ACSL1: variants seen among roughly 807,000 people sequenced by gnomAD.
ACSL1 encodes acyl-CoA synthetase long chain family member 1.
Under a neutral mutation model 98.4 loss-of-function variants are expected in ACSL1, and 41 were observed. The observed-to-expected ratio is 0.42, with a 90% CI of 0.32 to 0.54. ACSL1 has a LOEUF of 0.54. Among genes scored for constraint, ACSL1 ranks in the 20% least tolerant of loss-of-function variants. ACSL1 has a pLI of 0.13. For missense variants in ACSL1, 734 were observed against 883.1 expected, an observed-to-expected ratio of 0.83 and a Z score of 2.14; for synonymous variants, 316 against 322.7, an observed-to-expected ratio of 0.98 and a Z score of 0.22.
At chr4:184,791,525 G>C (rs6852479) in intron 2 of ACSL1, among the ~76,000 whole-genome samples, 34,431 of 152,202 alleles carry the variant, frequency 0.23, 5,028 homozygotes, top group Non-Finnish European at 0.33. Flanking sequence ...CCAGCAATCT[G>C]TGCTTTAAGA....
chr4:184,769,476 G>C (rs758360612), intron 11 of ACSL1, among the ~76,000 whole-genome samples: 1 of 152,222 alleles, frequency 6.6e-6, no homozygotes, highest in Non-Finnish European at 1.5e-5. Context: ...AACAATTACA[G>C]CTCAGAAAGC....
rs1285665664 is a variant in ACSL1, at chr4:184,803,461, G to C, written c.54C>G (p.Phe18Leu). ...RYFRMPELVDFRQYVRTLPTN... is the reference protein window; with the variant it reads ...RYFRMPELVDLRQYVRTLPTN... ...TCGGAAGAGTACGCACGTACTGTCG[G>C]AAGTCAACCAGCTCTGGCATTCGAA... The change falls in exon 2 of 21, where the codon TTC becomes TTG. Residue 18 changes from phenylalanine to leucine, a missense_variant. Transcript: ENST00000281455. This position sits in a 1 kb window ranked among gnomAD's most constrained non-coding sequence, Gnocchi z 4.8. 3 of 1,612,080 alleles carry C rather than the reference G, an allele frequency of 1.9e-6. No homozygotes were observed. Among genetic ancestry groups the C allele is most frequent in the Non-Finnish European group, 2.5e-6 (3 of 1,179,038 alleles).
chr4:184,780,477 C>T (rs754560121), intron 4 of ACSL1, 44 bp from the exon 5 acceptor site: 29 of 1,481,024 alleles, frequency 2.0e-5, no homozygotes, highest in East Asian at 1.6e-4. Context: ...TGGGCCCCAA[C>T]TCCAGAAACA....
intron 2 of ACSL1, among the ~76,000 whole-genome samples, chr4:184,789,767 C>T (rs1277072088): frequency 6.6e-6 from 1 of 152,156 alleles, no homozygotes; most frequent in African/African-American, 2.4e-5. Context: ...ATGTGAGCTG[C>T]TGAGTCCTCT....
At chr4:184,813,712 G>A (rs1772345804) in intron 1 of ACSL1, 2 of 388,906 alleles carry the variant, frequency 5.1e-6, no homozygotes, top group African/African-American at 4.2e-5. Flanking sequence ...TCACCTTACT[G>A]GACTCAGCTA....
At chr4:184,781,027 G>A (rs1766163302) in intron 4 of ACSL1, among the ~76,000 whole-genome samples, 1 of 151,772 alleles carries the variant, frequency 6.6e-6, no homozygotes, top group South Asian at 2.1e-4. Context: ...TCACTTGAGG[G>A]AGTTCGAGGC....
chr4:184,813,360 G>A (rs1473461175), intron 1 of ACSL1, among the ~76,000 whole-genome samples: 1 of 152,210 alleles, frequency 6.6e-6, no homozygotes, highest in Non-Finnish European at 1.5e-5. Flanking sequence ...AAGAGCTAGA[G>A]AAGGCAGCCA....
At chr4:184,762,114 A>G (rs1450711856) in intron 17 of ACSL1, among the ~76,000 whole-genome samples, 1 of 151,658 alleles carries the variant, frequency 6.6e-6, no homozygotes, top group Non-Finnish European at 1.5e-5. Flanking sequence ...CTGGGTGACA[A>G]GAACATGATT....
In ACSL1 at chr4:184,803,574, G is replaced by T. The variant is rs568563089; in HGVS notation, c.-32-28C>A. The stretch of plus-strand genomic sequence containing the variant: ...GTTGGGAGAGAAAAATGTCACGTTC[G>T]TTCCAGGGAAGCAGGACCCCTCTCC... On this transcript the variant is annotated intron_variant, in intron 1 of 20. Transcript: ENST00000281455. The surrounding 1 kb of genome is among the most constrained non-coding windows in gnomAD (Gnocchi z 4.8). The T allele has an allele frequency of 2.9e-6, 4 of 1,386,096 alleles. No individual in the cohort carries two copies. The South Asian group carries it at 7.4e-5, about 26-fold the overall frequency. The allele number at this position is 1,386,096 out of a possible 1,614,324, so 85.9% of individuals were successfully genotyped here. A position where few individuals can be genotyped will look rare whatever the true frequency, so the allele number is the denominator to read the frequency against.
Position 184,773,750 on chromosome 4 carries a change from A to G in ACSL1, c.790-36T>C. On this transcript the variant is annotated intron_variant, in intron 8 of 20. Coordinates refer to ENST00000281455, the MANE Select transcript of ACSL1 (RefSeq NM_001995.5). The surrounding 1 kb of genome is among the most constrained non-coding windows in gnomAD (Gnocchi z 4.3). Reference sequence around the variant, plus strand: ...AAAAAAAAAAAAGCTGGTATAAATCAGAACAGAAAAGAGAACTATAAGCCA... The same window carrying G: ...AAAAAAAAAAAAGCTGGTATAAATCGGAACAGAAAAGAGAACTATAAGCCA... The G allele has an allele frequency of 4.4e-6, 7 of 1,604,622 alleles. No homozygotes were observed. Among genetic ancestry groups the G allele is most frequent in the Non-Finnish European group, 5.9e-6 (7 of 1,177,422 alleles).
chr4:184,800,744 A>C (rs925260693), intron 2 of ACSL1, among the ~76,000 whole-genome samples: 1 of 152,212 alleles, frequency 6.6e-6, no homozygotes, highest in Non-Finnish European at 1.5e-5. Context: ...CCAACACTTA[A>C]GAAACACTTT....
intron 11 of ACSL1, among the ~76,000 whole-genome samples, chr4:184,769,736 C>T (rs1046007810): frequency 6.6e-6 from 1 of 152,224 alleles, no homozygotes; most frequent in African/African-American, 2.4e-5. Flanking sequence ...AGCTAGAGCT[C>T]AGTAACTACT....
At chr4:184,792,789 G>A (rs1768627240) in intron 2 of ACSL1, among the ~76,000 whole-genome samples, 1 of 152,086 alleles carries the variant, frequency 6.6e-6, no homozygotes, top group Admixed American at 6.5e-5. Flanking sequence ...AAGGGTGTTA[G>A]CAACCTTAGT....
intron 2 of ACSL1, among the ~76,000 whole-genome samples, chr4:184,790,262 C>T (rs542559026): frequency 6.6e-6 from 1 of 152,100 alleles, no homozygotes; most frequent in Non-Finnish European, 1.5e-5. Flanking sequence ...GCTTTTTGTC[C>T]ACCCTTAAGT....
rs1462314823 is a variant in ACSL1, at chr4:184,825,564, C to A, written c.-33+352G>T. ...CTGGGCCACCTCCTCCCAGCCGAAG[C>A]GCGGCCTCCGGCTGCTTCGCCGGGC... is the stretch of plus-strand genomic sequence containing the variant. On this transcript the variant is annotated intron_variant, in intron 1 of 20. Transcript: ENST00000281455. This position sits in a 1 kb window ranked among gnomAD's most constrained non-coding sequence, Gnocchi z 4.7. Among the ~76,000 whole-genome samples, 1 of 151,486 alleles carries A rather than the reference C, an allele frequency of 6.6e-6. No individual in the cohort carries two copies. The highest frequency in any genetic ancestry group is 2.4e-5 in the African/African-American group (1 of 41,382).
Position 184,770,451 on chromosome 4 carries a change from T to C in ACSL1, c.941A>G (p.Asp314Gly). 1 of 1,612,554 alleles carries C rather than the reference T, an allele frequency of 6.2e-7. No individual in the cohort carries two copies. Among genetic ancestry groups the C allele is most frequent in the Non-Finnish European group, 8.5e-7 (1 of 1,179,842 alleles). The change falls in exon 11 of 21, where the codon GAT becomes GGT. Residue 314 changes from aspartate to glycine, a missense_variant. Asp to Gly is a moderately conservative substitution (Grantham distance 94). Transcript: ENST00000281455. ...TENTVNPCPD[D>G]TLISFLPLAH... Reference sequence around the variant, plus strand: ...GAGAGGCAAGAAAGATATCAAAGTATCATCTGGGCAAGGATTGACTGTATT... The same window carrying C: ...GAGAGGCAAGAAAGATATCAAAGTACCATCTGGGCAAGGATTGACTGTATT...
chr4:184,820,504 C>T (rs1218156987), intron 1 of ACSL1, among the ~76,000 whole-genome samples: 2 of 152,192 alleles, frequency 1.3e-5, no homozygotes, highest in East Asian at 3.8e-4. Flanking sequence ...TAATTCAAGG[C>T]AGAGTGTAAA....
At chr4:184,815,028 A>G (rs912435607) in intron 1 of ACSL1, 1 of 456,192 alleles carries the variant, frequency 2.2e-6, no homozygotes, top group African/African-American at 2.0e-5. Flanking sequence ...CAAGTTTAGG[A>G]TATCAATGAA....
intron 5 of ACSL1, among the ~76,000 whole-genome samples, chr4:184,777,558 A>T (rs1242805512): frequency 1.3e-5 from 2 of 151,624 alleles, no homozygotes; most frequent in East Asian, 3.9e-4. Context: ...AAGAGGAGAG[A>T]TTGAGAAAGA....
Sources: gnomAD v4.1 joint callset for allele counts (sites outside exome capture counted in the v4.1 genomes callset) on GRCh38, gnomAD v4.1.1 for gene constraint, Gnocchi (gnomAD v3.1) non-coding constraint, MANE v1.5 for transcripts, NCBI Gene and HGNC (gene_info 2026-07-23, HGNC 2026-07-21) for gene names.